The following COL4A1 variants were observed in gnomAD, a reference collection of about 807,000 sequenced individuals.
The protein encoded by COL4A1 is collagen type IV alpha 1 chain, also known as collagen alpha-1(IV) chain.
A neutral mutation model predicts 216.6 loss-of-function variants in COL4A1; 40 were observed. The observed-to-expected ratio is 0.18, with a 90% CI of 0.14 to 0.24. The LOEUF (loss-of-function observed/expected upper bound fraction) is 0.24, where lower values mean the gene tolerates loss of function less well. Ranked by LOEUF, COL4A1 falls within the 10% of genes least tolerant of loss-of-function variation. The pLI is 1.00. For synonymous variants in COL4A1, 839 were observed against 810.7 expected (o/e 1.03, Z -0.59); for missense variants, 1,628 against 2,196.8 (o/e 0.74, Z 5.18).
chr13:110,165,423 C>G (rs541397524), intron 45 of COL4A1, among the ~76,000 whole-genome samples: 1 of 152,282 alleles, frequency 6.6e-6, no homozygotes, highest in African/African-American at 2.4e-5. Flanking sequence ...TGGTCCTGAT[C>G]TTTGAGTGAC....
intron 1 of COL4A1, among the ~76,000 whole-genome samples, chr13:110,270,295 T>C (rs1883199240): frequency 6.6e-6 from 1 of 152,232 alleles, no homozygotes; most frequent in South Asian, 2.1e-4. Flanking sequence ...CAGTGCAACC[T>C]TCCTCTTAAA....
chr13:110,207,524 G>A lies in COL4A1; in HGVS notation c.694-35C>T, dbSNP rs990061667. On this transcript the variant is annotated intron_variant, in intron 12 of 51. Transcript: ENST00000375820. The surrounding 1 kb of genome is among the most constrained non-coding windows in gnomAD (Gnocchi z 4.4). ...TAAAAATGTAAAATTAATTAGGCAT[G>A]AAAACAATTATGCAGACATGAAAAA... The A allele has an allele frequency of 1.9e-6, 3 of 1,551,528 alleles. No homozygotes were observed. The highest frequency in any genetic ancestry group is 4.5e-5 in the East Asian group (2 of 44,558).
chr13:110,255,884 AGGGGGAAGGCAGGAAGGG>A lies in COL4A1; in HGVS notation c.85-13168_85-13151del, dbSNP rs1882530405. Among the ~76,000 whole-genome samples the A allele has an allele frequency of 1.1e-3, 12 of 10,634 alleles. 2 individuals are homozygous for A. Among genetic ancestry groups the A allele is most frequent in the Admixed American group, 0.01 (6 of 588 alleles). 7.0% of individuals were successfully genotyped at this position (10,634 alleles called of 152,430 possible). A position where few individuals can be genotyped will look rare whatever the true frequency, so the allele number is the denominator to read the frequency against. On this transcript the variant is annotated intron_variant, in intron 1 of 51. Transcript: ENST00000375820. ...GAAGGGAGGGGGAAGGCAGGAAGGG[AGGGGGAAGGCAGGAAGGG>A]AGGGGGAAGGCAGGAAGGGAGGGGG...
At chr13:110,226,619 G>C (rs1275073767) in intron 2 of COL4A1, among the ~76,000 whole-genome samples, 1 of 152,158 alleles carries the variant, frequency 6.6e-6, no homozygotes, top group Non-Finnish European at 1.5e-5. Context: ...TAGAATACAA[G>C]GTAATCTCAG....
chr13:110,291,820 T>G (rs1210580511), intron 1 of COL4A1, among the ~76,000 whole-genome samples: 2 of 152,182 alleles, frequency 1.3e-5, no homozygotes, highest in Non-Finnish European at 2.9e-5. Flanking sequence ...CCAATCTAGA[T>G]TCACCTTCAA....
chr13:110,267,700 G>C lies in COL4A1; in HGVS notation c.85-24966C>G, dbSNP rs191362241. 2.6e-5 allele frequency among the ~76,000 whole-genome samples: 4 copies of C among 152,268 alleles called. No individual in the cohort carries two copies. In the East Asian group the frequency reaches 7.7e-4, roughly 29 times the overall value. On this transcript the variant is annotated intron_variant, in intron 1 of 51. Transcript: ENST00000375820. ...AACAACTGAAAATTAACATGGAGTAGATAATAGCTATGATAAAATTTGCAA... is the reference window on the plus strand; with the variant it reads ...AACAACTGAAAATTAACATGGAGTACATAATAGCTATGATAAAATTTGCAA...
chr13:110,247,619 A>G (rs76254194), intron 1 of COL4A1, among the ~76,000 whole-genome samples: 2,100 of 152,254 alleles, frequency 0.014, 43 homozygotes, highest in African/African-American at 0.049. Flanking sequence ...AATGGTTTTA[A>G]TAAGAAATAA....
chr13:110,201,510 C>T lies in COL4A1; in HGVS notation c.1012G>A (p.Gly338Arg). The T allele has an allele frequency of 1.2e-6, 2 of 1,614,172 alleles. No homozygotes were observed. Among genetic ancestry groups the T allele is most frequent in the Non-Finnish European group, 1.7e-6 (2 of 1,180,022 alleles). Reference protein sequence around the residue: ...PGPPGIVIGTGPLGEKGERGY... With the variant: ...PGPPGIVIGTRPLGEKGERGY... ...CTCTCTCCTTTTTCTCCCAAAGGTC[C>T]TGTGCCTATAACCTGAATCGAGAAG... The change falls in exon 19 of 52, where the codon GGA becomes AGA. Residue 338 changes from glycine to arginine, a missense_variant. By Grantham distance (125) the Gly-to-Arg change is moderately radical (BLOSUM62 -2). Transcript: ENST00000375820.
At position 110,255,245 on chromosome 13, in the gene COL4A1, C is replaced by A. The variant is rs1324909895; in HGVS notation, c.85-12511G>T. Among the ~76,000 whole-genome samples the A allele has an allele frequency of 2.0e-5, 3 of 152,004 alleles. No homozygotes were observed. In the East Asian group the frequency reaches 5.8e-4, roughly 30 times the overall value. On this transcript the variant is annotated intron_variant, in intron 1 of 51. Transcript: ENST00000375820. ...TTTTCTAGCAGGCCTTGGGTAGGGTCTAAAAGTTTAGAGATGAGGGAGACC... is the reference window on the plus strand; with the variant it reads ...TTTTCTAGCAGGCCTTGGGTAGGGTATAAAAGTTTAGAGATGAGGGAGACC...
Position 110,214,104 on chromosome 13 carries a change from T to TATA in COL4A1, c.145-90_145-89insTAT, listed in dbSNP as rs146035833. The TATA allele has an allele frequency of 4.0e-3, 4,144 of 1,027,590 alleles. 96 individuals are homozygous for TATA. In the African/African-American group the frequency reaches 0.062, roughly 15 times the overall value. 63.7% of individuals were successfully genotyped at this position (1,027,590 alleles called of 1,614,324 possible). A position where few individuals can be genotyped will look rare whatever the true frequency, so the allele number is the denominator to read the frequency against. On this transcript the variant is annotated intron_variant, in intron 2 of 51. Coordinates refer to ENST00000375820, the MANE Select transcript of COL4A1 (RefSeq NM_001845.6). The stretch of plus-strand genomic sequence containing the variant: ...ACCAACTGTGATGGCTATATATATA[T>TATA]TTTTTTTGAGATGGAGTCTCATTCT...
In COL4A1 at chr13:110,155,271, CCAGA is replaced by C. The variant is rs1394746372; in HGVS notation, c.4755+8_4755+11del. 2 of 1,602,592 alleles carry C rather than the reference CCAGA, an allele frequency of 1.2e-6. No individual in the cohort carries two copies. Among genetic ancestry groups the C allele is most frequent in the African/African-American group, 2.7e-5 (2 of 74,736 alleles). On this transcript the variant is annotated splice_region_variant and intron_variant, in intron 50 of 51. Transcript: ENST00000375820. ...TCTTCCCGGGAAATATGGCGTCTCC[CCAGA>C]CACTTACCATCACAAAAGAGTAGCC...
intron 50 of COL4A1, among the ~76,000 whole-genome samples, chr13:110,152,888 T>C (rs1421899038): frequency 6.6e-6 from 1 of 152,248 alleles, no homozygotes. Flanking sequence ...ACAACTGATG[T>C]GGAATCAGAC....
intron 1 of COL4A1, among the ~76,000 whole-genome samples, chr13:110,305,012 G>C (rs769408303): frequency 6.6e-6 from 1 of 152,168 alleles, no homozygotes; most frequent in Non-Finnish European, 1.5e-5. Flanking sequence ...TTGGAAGGAG[G>C]TAAGCCAAAA....
Position 110,211,667 on chromosome 13 carries a change from G to C in COL4A1, c.448C>G (p.Pro150Ala). The C allele has an allele frequency of 6.2e-7, 1 of 1,611,372 alleles. No homozygotes were observed. The highest frequency in any genetic ancestry group is 8.5e-7 in the Non-Finnish European group (1 of 1,179,050). Residue 150 changes from proline to alanine, a missense_variant, in exon 8 of 52, where the codon CCA (proline) becomes GCA (alanine). Transcript: ENST00000375820. This position sits in a 1 kb window ranked among gnomAD's most constrained non-coding sequence, Gnocchi z 4.3. ...LPGFAGNPGP[P>A]GLPGMKGDPG... ...TGTACCTTCATCCCTGGTAAGCCTG[G>C]TGGTCCCTAAAAAAGAAAGTTTTGG... is the stretch of plus-strand genomic sequence containing the variant.
At chr13:110,159,424 G>A (rs114844978) in intron 49 of COL4A1, among the ~76,000 whole-genome samples, 1,552 of 152,244 alleles carry the variant, frequency 0.01, 18 homozygotes, top group African/African-American at 0.036. Flanking sequence ...CACCCATTGG[G>A]ATGGCTACTA....
chr13:110,216,826 G>A (rs1217384895), intron 2 of COL4A1, among the ~76,000 whole-genome samples: 1 of 152,140 alleles, frequency 6.6e-6, no homozygotes, highest in East Asian at 1.9e-4. Flanking sequence ...TTCACAGATA[G>A]GGAAATTAAG....
intron 2 of COL4A1, among the ~76,000 whole-genome samples, chr13:110,241,195 T>C (rs1881551332): frequency 6.6e-6 from 1 of 152,124 alleles, no homozygotes; most frequent in Non-Finnish European, 1.5e-5. Flanking sequence ...AGTTTATAGA[T>C]GCGGATAGAA....
chr13:110,179,230 C>T, intron 30 of COL4A1, 41 bp downstream of exon 30: 1 of 1,613,218 alleles, frequency 6.2e-7, no homozygotes, highest in Non-Finnish European at 8.5e-7. Flanking sequence ...ATAAGCACAT[C>T]CTGTCCTCGA....
chr13:110,194,541 C>T (rs1434507046), intron 22 of COL4A1, among the ~76,000 whole-genome samples: 1 of 151,996 alleles, frequency 6.6e-6, no homozygotes, highest in Non-Finnish European at 1.5e-5. Context: ...AACCGAGAGC[C>T]CAGAGTGAAG....
Sources: gnomAD v4.1 joint callset for allele counts (sites outside exome capture counted in the v4.1 genomes callset) on GRCh38, gnomAD v4.1.1 for gene constraint, Gnocchi (gnomAD v3.1) non-coding constraint, MANE v1.5 for transcripts, NCBI Gene and HGNC (gene_info 2026-07-23, HGNC 2026-07-21) for gene names.